The following AKR1C1 variants were observed in gnomAD, a reference collection of about 807,000 sequenced individuals.
AKR1C1 encodes the protein 20 alpha-hydroxysteroid dehydrogenase.
In AKR1C1, 32 loss-of-function variants were observed where a neutral mutation model predicts 40.6. That is an observed-to-expected ratio of 0.79 (90% CI 0.60 to 1.06). The LOEUF (loss-of-function observed/expected upper bound fraction) is 1.06. AKR1C1 is among the 50% of genes least tolerant of loss of function. AKR1C1 has a pLI of 0.00. For missense variants in AKR1C1, 320 were observed against 363.5 expected (o/e 0.88, Z 0.97); for synonymous variants, 105 against 134.2 (o/e 0.78, Z 1.50).
At chr10:4,973,751 T>C (rs1189315166) in intron 7 of AKR1C1, among the ~76,000 whole-genome samples, 1 of 152,152 alleles carries the variant, frequency 6.6e-6, no homozygotes, top group Non-Finnish European at 1.5e-5. Flanking sequence ...TTATACGATA[T>C]GTGTGAAATA....
intron 8 of AKR1C1, among the ~76,000 whole-genome samples, chr10:4,976,272 G>A (rs1355612015): frequency 3.9e-5 from 6 of 152,134 alleles, no homozygotes; most frequent in Non-Finnish European, 7.3e-5. Flanking sequence ...CCATGTGGTC[G>A]CATTAGATGT....
intron 2 of AKR1C1, 24 bp from the exon 3 acceptor site, chr10:4,966,903 A>G (rs1172379974): frequency 1.9e-6 from 3 of 1,589,926 alleles, no homozygotes; most frequent in Non-Finnish European, 2.6e-6. Flanking sequence ...TCATTACACA[A>G]CTTCCTTTCT....
chr10:4,965,503 A>T (rs1836315158), intron 1 of AKR1C1: 1 of 154,214 alleles, frequency 6.5e-6, no homozygotes, highest in South Asian at 2.0e-4. Flanking sequence ...TGATCTCATG[A>T]TCCGCCCAGC....
At position 4,981,651 on chromosome 10, in the gene AKR1C1, A is replaced by G. The variant is rs1239628151; in HGVS notation, c.*3909A>G. On this transcript the variant is annotated 3_prime_UTR_variant, in exon 9 of 9. Coordinates refer to ENST00000380872, the MANE Select transcript of AKR1C1 (RefSeq NM_001353.6). ...CTACTCCATGAAATAAGAAAAAACC[A>G]TCACATCCCCAGATTCTGAGGGGAG... 2.0e-5 allele frequency: 3 copies of G among 152,292 alleles called. No individual in the cohort carries two copies. The highest frequency in any genetic ancestry group is 7.2e-5 in the African/African-American group (3 of 41,470). 9.4% of individuals were successfully genotyped at this position (152,292 alleles called of 1,614,324 possible).
chr10:4,966,305 G>A (rs1028055761), intron 2 of AKR1C1, among the ~76,000 whole-genome samples: 1 of 152,112 alleles, frequency 6.6e-6, no homozygotes, highest in Non-Finnish European at 1.5e-5. Context: ...TTTACTTTTT[G>A]AGCTCAGCAC....
rs1358915280 is a variant in AKR1C1, at chr10:4,980,993, G to A, written c.*3251G>A. On this transcript the variant is annotated 3_prime_UTR_variant, in exon 9 of 9. Coordinates refer to ENST00000380872, the MANE Select transcript of AKR1C1 (RefSeq NM_001353.6). ...CATCAAAATTACTCTATGATCCATG[G>A]GAAACAGAATGCATGTTGTGTTAGC... 1 of 152,176 alleles carries A rather than the reference G, an allele frequency of 6.6e-6. No individual in the cohort carries two copies. The highest frequency in any genetic ancestry group is 1.5e-5 in the Non-Finnish European group (1 of 68,024). The allele number at this position is 152,176 out of a possible 1,614,324, so 9.4% of individuals were successfully genotyped here.
intron 5 of AKR1C1, chr10:4,969,595 C>T: frequency 1.3e-6 from 2 of 1,536,368 alleles, no homozygotes; most frequent in Non-Finnish European, 1.8e-6. Context: ...GCCCCCGCTC[C>T]TAGTTGGCTG....
chr10:4,967,186 C>A (rs562242911), intron 3 of AKR1C1, 143 bp downstream of exon 3: 342 of 1,021,156 alleles, frequency 3.3e-4, no homozygotes, highest in Admixed American at 7.4e-4. Context: ...ACTCCTAATT[C>A]CTTTCTATGG....
Position 4,972,280 on chromosome 10 carries a change from G to C in AKR1C1, c.650G>C (p.Ser217Thr), listed in dbSNP as rs1836442360. The C allele has an allele frequency of 1.2e-6, 2 of 1,611,690 alleles. No individual in the cohort carries two copies. Among genetic ancestry groups the C allele is most frequent in the Non-Finnish European group, 1.7e-6 (2 of 1,179,228 alleles). Residue 217 changes from serine (S) to threonine (T), a missense_variant, in exon 6 of 9, where the codon AGT becomes ACT. Transcript: ENST00000380872. ...KSKDIVLVAY[S>T]ALGSHREEPW... is the part of the protein sequence containing the mutation. ...AAAGACATTGTTCTGGTTGCCTATA[G>C]TGCTCTGGGATCCCACCGAGAAGAA... is the stretch of plus-strand genomic sequence containing the variant.
Position 4,965,770 on chromosome 10 carries a change from G to C in AKR1C1, c.85-144G>C, listed in dbSNP as rs150670625. On this transcript the variant is annotated intron_variant, in intron 1 of 8. Transcript: ENST00000380872. ...TATTACTAACTGGGAAAGACCCAGG[G>C]AGACTGGGATGGGCTCATGATTCTA... is the stretch of plus-strand genomic sequence containing the variant. The C allele has an allele frequency of 1.1e-3, 990 of 924,518 alleles. 8 individuals carry two copies. In the African/African-American group the frequency reaches 0.014, roughly 13 times the overall value. The allele number at this position is 924,518 out of a possible 1,614,324, so 57.3% of individuals were successfully genotyped here.
Position 4,966,008 on chromosome 10 carries a change from A to C in AKR1C1, c.179A>C (p.Gln60Pro). The change falls in exon 2 of 9, where the codon CAG (glutamine) becomes CCG (proline). Residue 60 changes from glutamine to proline, a missense_variant. Physicochemically the swap from Gln to Pro is moderately conservative, Grantham distance 76 (BLOSUM62 -1). Around this residue, in one of 3 missense-constraint regions of AKR1C1, gnomAD observed 214 missense variants for 214.8 expected, o/e 1.00. Transcript: ENST00000380872. The part of the protein sequence containing the change: ...DSAHLYNNEE[Q>P]VGLAIRSKIA... ...GCTCATTTATACAATAATGAGGAGC[A>C]GGTTGGACTGGCCATCCGAAGCAAG... is the stretch of plus-strand genomic sequence containing the variant. 6.2e-7 allele frequency: 1 copy of C among 1,614,214 alleles called. No individual in the cohort carries two copies. Among genetic ancestry groups the C allele is most frequent in the Non-Finnish European group, 8.5e-7 (1 of 1,180,024 alleles).
chr10:4,975,186 ATCT>A (rs1171189066), intron 7 of AKR1C1, among the ~76,000 whole-genome samples: 3 of 152,060 alleles, frequency 2.0e-5, no homozygotes, highest in Admixed American at 2.0e-4. Context: ...AATGCAACAA[ATCT>A]TCTTACCTAC....
At chr10:4,964,576 G>A (rs1394522472) in intron 1 of AKR1C1, among the ~76,000 whole-genome samples, 1 of 152,154 alleles carries the variant, frequency 6.6e-6, no homozygotes, top group Admixed American at 6.5e-5. Context: ...TAGGAAAACA[G>A]TTTGCTTTGT....
intron 5 of AKR1C1, among the ~76,000 whole-genome samples, chr10:4,970,534 T>C (rs1554769733): frequency 6.6e-6 from 1 of 152,150 alleles, no homozygotes; most frequent in Non-Finnish European, 1.5e-5. Context: ...GCCCCACTAG[T>C]GGTGAAGGTA....
In AKR1C1 at chr10:4,977,748, A is replaced by T; in HGVS notation, c.*6A>T. On this transcript the variant is annotated 3_prime_UTR_variant, in exon 9 of 9. Coordinates refer to ENST00000380872, the MANE Select transcript of AKR1C1 (RefSeq NM_001353.6). The stretch of plus-strand genomic sequence containing the variant: ...CATTTTCTGATGAATATTAACATGG[A>T]GGGCATTGCATGAGGTCTGCCAGAA... 6.2e-7 allele frequency: 1 copy of T among 1,611,372 alleles called. No individual in the cohort carries two copies. Among genetic ancestry groups the T allele is most frequent in the Non-Finnish European group, 8.5e-7 (1 of 1,178,634 alleles).
rs770826641 is a variant in AKR1C1, at chr10:4,969,631, T to C, written c.570+687T>C. The C allele has an allele frequency of 5.0e-6, 8 of 1,598,516 alleles. No individual in the cohort carries two copies. In the South Asian group the frequency reaches 9.0e-5, roughly 18 times the overall value. On this transcript the variant is annotated intron_variant, in intron 5 of 8. Transcript: ENST00000380872. The stretch of plus-strand genomic sequence containing the variant: ...CTCTTCTTTGGAGTCTGTCATGCAA[T>C]CAGCTGCTTAAACACATCTATTCTC...
intron 8 of AKR1C1, among the ~76,000 whole-genome samples, chr10:4,977,018 C>T (rs1333419937): frequency 6.6e-6 from 1 of 152,186 alleles, no homozygotes; most frequent in Non-Finnish European, 1.5e-5. Flanking sequence ...GAGTAAACCA[C>T]TTGCGAGCTT....
rs1554770744 is a variant in AKR1C1 at position 4,978,537 on chromosome 10, G to GT, written c.*796dup. The stretch of plus-strand genomic sequence containing the variant: ...TTCACAACGTTGACCCTATTGGTTT[G>GT]TGGTGGGGCAGGGCATCAAAGACAT... On this transcript the variant is annotated 3_prime_UTR_variant, in exon 9 of 9. Transcript: ENST00000380872. The GT allele has an allele frequency of 6.6e-6, 1 of 152,134 alleles. No individual in the cohort carries two copies. Among genetic ancestry groups the GT allele is most frequent in the East Asian group, 1.9e-4 (1 of 5,196 alleles). The allele number at this position is 152,134 out of a possible 1,614,324, so 9.4% of individuals were successfully genotyped here.
chr10:4,966,807 T>C (rs1467140474), intron 2 of AKR1C1, 120 bp from the exon 3 acceptor site: 1 of 768,776 alleles, frequency 1.3e-6, no homozygotes, highest in East Asian at 2.5e-5. Context: ...AGAGAGAGAA[T>C]AATTTTGCCT....
Sources: allele counts gnomAD v4.1 joint callset (sites outside exome capture counted in the v4.1 genomes callset), GRCh38; gene constraint gnomAD v4.1.1; regional missense constraint gnomAD v4.1.1; transcripts MANE v1.5; gene names NCBI Gene and HGNC (gene_info 2026-07-23, HGNC 2026-07-21).